Variants in CKMT2 observed in about 807,000 individuals in gnomAD.
CKMT2 encodes the protein creatine kinase, mitochondrial 2.
CKMT2 carries 43 observed loss-of-function variants against 48.9 expected under a neutral mutation model. That is an observed-to-expected ratio of 0.88 (90% CI 0.69 to 1.13). The LOEUF (loss-of-function observed/expected upper bound fraction) is 1.13, where lower values mean the gene tolerates loss of function less well. Ranked by LOEUF, CKMT2 falls within the 50% of genes most tolerant of loss-of-function variation. The probability of loss-of-function intolerance (pLI) is 0.00; values close to 1 mark genes in which losing one functional copy is unlikely to be tolerated. For synonymous variants in CKMT2, 206 were observed against 213.0 expected (o/e 0.97, Z 0.29); for missense variants, 472 against 555.4 (o/e 0.85, Z 1.51).
chr5:81,260,220 G>GTGTT (rs534117962), intron 8 of CKMT2, among the ~76,000 whole-genome samples: 2,358 of 152,288 alleles, frequency 0.015, 62 homozygotes, highest in African/African-American at 0.053. Flanking sequence ...AGCTAAAGCA[G>GTGTT]TGTTTAGAGG....
intron 1 of CKMT2, among the ~76,000 whole-genome samples, chr5:81,234,779 G>A (rs1011507891): frequency 3.3e-5 from 5 of 152,138 alleles, no homozygotes; most frequent in Non-Finnish European, 7.3e-5. Flanking sequence ...AGAATGGGGA[G>A]TCCTGGGGTT....
chr5:81,234,338 A>G (rs1256822371), intron 1 of CKMT2, among the ~76,000 whole-genome samples: 1 of 152,150 alleles, frequency 6.6e-6, no homozygotes, highest in African/African-American at 2.4e-5. Flanking sequence ...CCTCAGGACA[A>G]GGTTACGCTA....
intron 8 of CKMT2, among the ~76,000 whole-genome samples, chr5:81,259,852 G>C (rs543255693): frequency 6.6e-6 from 1 of 152,160 alleles, no homozygotes; most frequent in South Asian, 2.1e-4. Context: ...ACTTGAACTC[G>C]GCTCTGGACC....
intron 1 of CKMT2, among the ~76,000 whole-genome samples, chr5:81,234,733 A>C (rs59563495): frequency 0.16 from 25,030 of 152,048 alleles, 2,534 homozygotes; most frequent in African/African-American, 0.26. Flanking sequence ...AGTTTTCCTA[A>C]GGAAACTGTG....
At chr5:81,257,586 T>C (rs1012093448) in intron 6 of CKMT2, 147 bp from the exon 7 acceptor site, 2 of 582,006 alleles carry the variant, frequency 3.4e-6, no homozygotes, top group Non-Finnish European at 5.8e-6. Flanking sequence ...TATTTTGTCA[T>C]ACTTGTTCAG....
Position 81,259,160 on chromosome 5 carries a change from G to A in CKMT2, c.920G>A (p.Trp307Ter), listed in dbSNP as rs746721046. Residue 307 changes from tryptophan (W) to a stop codon, truncating the protein, a stop_gained, in exon 8 of 10, where the codon TGG (tryptophan) becomes TAG (stop). Transcript: ENST00000254035. LOFTEE classifies it high-confidence loss of function. ...LIQERGWEFM[W>*]NERLGYILTC... ...CAAGAACGAGGCTGGGAGTTCATGT[G>A]GAATGAGCGCCTAGGATACATTTTG... The A allele has an allele frequency of 8.1e-6, 13 of 1,613,872 alleles. No homozygotes were observed. The South Asian group carries it at 1.2e-4, about 15-fold the overall frequency.
intron 1 of CKMT2, among the ~76,000 whole-genome samples, 173 bp from the exon 2 acceptor site, chr5:81,250,940 A>AAAACACACACACACACACACACACAC (rs373408385): frequency 1.4e-4 from 19 of 132,998 alleles, no homozygotes; most frequent in African/African-American, 4.8e-4. Flanking sequence ...AGAAATAGAA[A>AAAACACACACACACACACACACACAC]ACACACACAC....
Position 81,257,908 on chromosome 5 carries a change from T to C in CKMT2, c.879+52T>C, listed in dbSNP as rs1022579492. On this transcript the variant is annotated intron_variant, in intron 7 of 9. Transcript: ENST00000254035. ...TATTTATTAAAATAAAATTACCGTA[T>C]TGTTTGTTCTTGAAAGAAGACACTA... 13 of 1,540,188 alleles carry C rather than the reference T, an allele frequency of 8.4e-6. No individual in the cohort carries two copies. The African/African-American group carries it at 1.4e-4, about 17-fold the overall frequency.
intron 2 of CKMT2, 109 bp from the exon 3 acceptor site, chr5:81,252,586 C>T: frequency 1.8e-6 from 2 of 1,092,374 alleles, no homozygotes; most frequent in East Asian, 2.4e-5. Flanking sequence ...TATCCCTGTG[C>T]CCACTGGCTG....
intron 1 of CKMT2, among the ~76,000 whole-genome samples, chr5:81,236,539 C>T (rs1756248941): frequency 6.6e-6 from 1 of 152,106 alleles, no homozygotes; most frequent in African/African-American, 2.4e-5. Flanking sequence ...ATGCATGGCT[C>T]ATGATAGGAG....
intron 1 of CKMT2, chr5:81,237,672 C>A (rs1426288954): frequency 1.3e-5 from 2 of 152,178 alleles, no homozygotes; most frequent in Non-Finnish European, 2.9e-5. Flanking sequence ...TTCTCCGAGT[C>A]CGTTACTCTG....
chr5:81,252,893 G>A lies in CKMT2; in HGVS notation c.351G>A (p.Glu117=). The A allele has an allele frequency of 6.2e-7, 1 of 1,614,110 alleles. No individual in the cohort carries two copies. The highest frequency in any genetic ancestry group is 2.2e-5 in the East Asian group (1 of 44,890). Reference sequence around the variant, plus strand: ...TGGCTGGTGACGAGGAGTCCTATGAGGTAAAACTATTGGCTGCTGGTTCCA... The same window carrying A: ...TGGCTGGTGACGAGGAGTCCTATGAAGTAAAACTATTGGCTGCTGGTTCCA... The part of the protein sequence containing the change: ...GMVAGDEESY[E]VFADLFDPVI... The change falls in exon 3 of 10, where the codon GAG becomes GAA. Residue 117 remains glutamate, a splice_region_variant and synonymous_variant. Transcript: ENST00000254035.
intron 8 of CKMT2, among the ~76,000 whole-genome samples, chr5:81,261,884 G>A (rs191808705): frequency 6.6e-6 from 1 of 152,168 alleles, no homozygotes; most frequent in Non-Finnish European, 1.5e-5. Flanking sequence ...ATATAGCCAA[G>A]TCAATCCTAA....
intron 4 of CKMT2, 172 bp downstream of exon 4, chr5:81,254,663 G>A (rs1191721073): frequency 8.2e-6 from 5 of 609,130 alleles, no homozygotes; most frequent in African/African-American, 1.9e-5. Flanking sequence ...AGGAGGGTCC[G>A]AAAGTCTGTT....
At chr5:81,261,340 G>C (rs927345146) in intron 8 of CKMT2, among the ~76,000 whole-genome samples, 1 of 152,210 alleles carries the variant, frequency 6.6e-6, no homozygotes, top group Non-Finnish European at 1.5e-5. Context: ...CATAGTGTTG[G>C]AAGTTCTGGC....
At chr5:81,263,103 C>T (rs1471686076) in intron 8 of CKMT2, among the ~76,000 whole-genome samples, 1 of 150,498 alleles carries the variant, frequency 6.6e-6, no homozygotes, top group Non-Finnish European at 1.5e-5. Flanking sequence ...TATGTTCTCA[C>T]TCATAAGTGG....
intron 8 of CKMT2, among the ~76,000 whole-genome samples, chr5:81,263,186 T>C (rs1235954368): frequency 6.7e-6 from 1 of 148,400 alleles, no homozygotes; most frequent in Non-Finnish European, 1.5e-5. Context: ...GGGGTGGGGG[T>C]TTGGGGAGGG....
intron 6 of CKMT2, among the ~76,000 whole-genome samples, chr5:81,257,450 T>C (rs1757052979): frequency 6.6e-6 from 1 of 152,190 alleles, no homozygotes; most frequent in Non-Finnish European, 1.5e-5. Context: ...CCAAATGTTA[T>C]ATAGTTGAAT....
In CKMT2 at chr5:81,266,261, T is replaced by C. The variant is rs757745548; in HGVS notation, c.*3T>C. On this transcript the variant is annotated 3_prime_UTR_variant, in exon 10 of 10. Coordinates refer to ENST00000254035, the MANE Select transcript of CKMT2 (RefSeq NM_001099735.2). ...TGCCTCAGTTTGGCAAAAAGTAAAC[T>C]TTCCCTTTCCCAATTTATAAATAAT... 1.9e-6 allele frequency: 3 copies of C among 1,612,382 alleles called. No homozygotes were observed. The highest frequency in any genetic ancestry group is 2.5e-6 in the Non-Finnish European group (3 of 1,178,776).
Sources: allele counts gnomAD v4.1 joint callset (sites outside exome capture counted in the v4.1 genomes callset), GRCh38; gene constraint gnomAD v4.1.1; transcripts MANE v1.5; gene names NCBI Gene and HGNC (gene_info 2026-07-23, HGNC 2026-07-21).